Variants in ETS1 observed in about 807,000 individuals in gnomAD.
The protein encoded by ETS1 is ETS proto-oncogene 1, transcription factor.
A neutral mutation model predicts 58.6 loss-of-function variants in ETS1; 15 were observed. The observed-to-expected ratio is 0.26, with a 90% CI of 0.17 to 0.39. ETS1 has a LOEUF of 0.39. Among genes scored for constraint, ETS1 ranks in the 10% least tolerant of loss-of-function variants. The probability of loss-of-function intolerance (pLI) is 1.00; values close to 1 mark genes in which losing one functional copy is unlikely to be tolerated. For synonymous variants in ETS1, 214 were observed against 218.2 expected (o/e 0.98, Z 0.17); for missense variants, 417 against 610.5 (o/e 0.68, Z 3.34).
chr11:128,531,111 A>G (rs1863890679), intron 3 of ETS1, among the ~76,000 whole-genome samples: 1 of 152,216 alleles, frequency 6.6e-6, no homozygotes, highest in Admixed American at 6.5e-5. Context: ...TATAGAATAA[A>G]TTTAAACTCT....
At chr11:128,527,885 G>A (rs2135527554) in intron 3 of ETS1, among the ~76,000 whole-genome samples, 1 of 152,320 alleles carries the variant, frequency 6.6e-6, no homozygotes, top group Non-Finnish European at 1.5e-5. Context: ...CAATTTCACT[G>A]TGGAATCTTT....
chr11:128,581,589 T>C (rs571196902), intron 1 of ETS1, among the ~76,000 whole-genome samples: 1 of 152,194 alleles, frequency 6.6e-6, no homozygotes, highest in Non-Finnish European at 1.5e-5. Flanking sequence ...GGAGGAATAA[T>C]GTAGAGTACT....
intron 3 of ETS1, chr11:128,497,681 G>A (rs1862979098): frequency 1.7e-6 from 1 of 589,496 alleles, no homozygotes; most frequent in South Asian, 7.5e-5. Flanking sequence ...AGACCTGCCA[G>A]ACAAAAGGGA....
intron 2 of ETS1, among the ~76,000 whole-genome samples, chr11:128,567,926 G>A (rs1282353510): frequency 6.6e-6 from 1 of 152,134 alleles, no homozygotes; most frequent in Non-Finnish European, 1.5e-5. Flanking sequence ...GAACCACCGC[G>A]GCCAGCCAAG....
chr11:128,484,816 G>C lies in ETS1; in HGVS notation c.862+7C>G, dbSNP rs1427884387. 3 of 1,611,192 alleles carry C rather than the reference G, an allele frequency of 1.9e-6. No homozygotes were observed. Among genetic ancestry groups the C allele is most frequent in the Non-Finnish European group, 2.5e-6 (3 of 1,177,846 alleles). On this transcript the variant is annotated splice_region_variant and intron_variant, in intron 7 of 9. Transcript: ENST00000392668. Reference sequence around the variant, plus strand: ...CCAAGAGCTTTTAGAGAAGAAATATGACCTACCACGACTGGTCCTCCCCAT... The same window carrying C: ...CCAAGAGCTTTTAGAGAAGAAATATCACCTACCACGACTGGTCCTCCCCAT...
intron 3 of ETS1, among the ~76,000 whole-genome samples, chr11:128,505,928 G>T (rs1355938883): frequency 1.3e-5 from 2 of 152,120 alleles, no homozygotes; most frequent in African/African-American, 4.8e-5. Flanking sequence ...CTGTCCAGAC[G>T]ACACTAGCTC....
At chr11:128,586,861 G>A (rs1286769090) in intron 1 of ETS1, among the ~76,000 whole-genome samples, 1 of 152,134 alleles carries the variant, frequency 6.6e-6, no homozygotes, top group Non-Finnish European at 1.5e-5. Flanking sequence ...CTACCGTGGG[G>A]ACAAGAAATA....
intron 3 of ETS1, among the ~76,000 whole-genome samples, chr11:128,519,824 G>A (rs951864735): frequency 2.0e-5 from 3 of 151,948 alleles, no homozygotes; most frequent in Admixed American, 1.3e-4. Context: ...TCCTCTCTGA[G>A]GTATGGGCAT....
At chr11:128,475,921 A>C (rs559396198) in intron 8 of ETS1, among the ~76,000 whole-genome samples, 13 of 151,364 alleles carry the variant, frequency 8.6e-5, no homozygotes, top group African/African-American at 2.7e-4. Context: ...CACACACACA[A>C]AAAAATTTGG....
intron 2 of ETS1, among the ~76,000 whole-genome samples, chr11:128,560,112 C>CT (rs1193165051): frequency 1.6e-3 from 231 of 146,472 alleles, no homozygotes; most frequent in Admixed American, 1.5e-3. Flanking sequence ...AGATGGTCTC[C>CT]TTTTTTTTTT....
chr11:128,524,252 ATTCT>A (rs796732666), intron 3 of ETS1, among the ~76,000 whole-genome samples: 9 of 152,358 alleles, frequency 5.9e-5, no homozygotes, highest in African/African-American at 2.2e-4. Flanking sequence ...GAGGAAAATT[ATTCT>A]TTCTAATTCT....
intron 8 of ETS1, among the ~76,000 whole-genome samples, chr11:128,477,872 T>A (rs1862365301): frequency 6.6e-6 from 1 of 152,240 alleles, no homozygotes; most frequent in Admixed American, 6.5e-5. Flanking sequence ...CTAGCATTCA[T>A]TTATTTAATT....
chr11:128,540,284 T>C (rs573385793), intron 3 of ETS1, among the ~76,000 whole-genome samples: 3 of 131,810 alleles, frequency 2.3e-5, no homozygotes, highest in East Asian at 4.6e-4. Context: ...GCCATTGTAC[T>C]ACTCCAGCCT....
intron 3 of ETS1, among the ~76,000 whole-genome samples, chr11:128,543,342 A>G (rs1361842882): frequency 1.3e-5 from 2 of 152,172 alleles, no homozygotes; most frequent in Non-Finnish European, 2.9e-5. Context: ...AGCTACCAGA[A>G]CAGCATAGAT....
At chr11:128,583,967 G>T (rs1864925661) in intron 1 of ETS1, among the ~76,000 whole-genome samples, 1 of 152,036 alleles carries the variant, frequency 6.6e-6, no homozygotes. Flanking sequence ...GCATGTATAG[G>T]TTATACTACA....
chr11:128,577,622 G>A (rs1263736153), intron 1 of ETS1, among the ~76,000 whole-genome samples: 1 of 152,176 alleles, frequency 6.6e-6, no homozygotes, highest in African/African-American at 2.4e-5. Context: ...TTACAAATGA[G>A]GAGAAAGACT....
chr11:128,584,938 A>AAAAGAAAGAAAGAAAGAAAG lies in ETS1; in HGVS notation c.-15+2530_-15+2549dup, dbSNP rs765433081. Among the ~76,000 whole-genome samples the AAAAGAAAGAAAGAAAGAAAG allele has an allele frequency of 1.4e-4, 9 of 62,596 alleles. 2 individuals carry two copies. The highest frequency in any genetic ancestry group is 7.7e-4 in the East Asian group (2 of 2,610). The allele number at this position is 62,596 out of a possible 152,430, so 41.1% of individuals were successfully genotyped here. A position where few individuals can be genotyped will look rare whatever the true frequency, so the allele number is the denominator to read the frequency against. ...AGAAAGAAAGAGGAAGAAAAAAGAGAAAAGAAAGAAAGAAAGAAAGAAAGA... is the reference window on the plus strand; with the variant it reads ...AGAAAGAAAGAGGAAGAAAAAAGAGAAAAGAAAGAAAGAAAGAAAGAAAGAAAGAAAGAAAGAAAGAAAGA... On this transcript the variant is annotated intron_variant, in intron 1 of 9. Coordinates refer to ENST00000392668, the MANE Select transcript of ETS1 (RefSeq NM_001143820.2).
rs184234685 is a variant in ETS1, at chr11:128,508,633, G to A, written c.215-18057C>T. ...GCTTAGGTACCCAAAGAGAAATAGG[G>A]TTTATCTAAACTCTGTATCGTAAGA... On this transcript the variant is annotated intron_variant, in intron 3 of 9. Coordinates refer to ENST00000392668, the MANE Select transcript of ETS1 (RefSeq NM_001143820.2). Among the ~76,000 whole-genome samples the A allele has an allele frequency of 2.2e-4, 33 of 152,264 alleles. No homozygotes were observed. The East Asian group carries it at 4.2e-3, about 20-fold the overall frequency.
chr11:128,558,719 T>C (rs1864357260), intron 2 of ETS1, among the ~76,000 whole-genome samples: 1 of 150,782 alleles, frequency 6.6e-6, no homozygotes, highest in African/African-American at 2.4e-5. Flanking sequence ...AAATGTTTCC[T>C]TACTTTTGGC....
Sources: allele counts gnomAD v4.1 joint callset (sites outside exome capture counted in the v4.1 genomes callset), GRCh38; gene constraint gnomAD v4.1.1; transcripts MANE v1.5; gene names NCBI Gene and HGNC (gene_info 2026-07-23, HGNC 2026-07-21).